RORA: variants seen among roughly 807,000 people sequenced by gnomAD.
RORA encodes nuclear receptor ROR-alpha.
A neutral mutation model predicts 69.5 loss-of-function variants in RORA; 7 were observed. The ratio of observed to expected loss-of-function variants is 0.10; its 90% CI spans 0.06 to 0.19. RORA has a LOEUF of 0.19. Among genes scored for constraint, RORA ranks in the 10% least tolerant of loss-of-function variants. The pLI is 1.00. For synonymous variants in RORA, 261 were observed against 240.8 expected, an observed-to-expected ratio of 1.08 and a Z score of -0.78; for missense variants, 457 against 663.0, an observed-to-expected ratio of 0.69 and a Z score of 3.41.
intron 2 of RORA, among the ~76,000 whole-genome samples, chr15:60,566,561 G>A (rs2067718880): frequency 6.6e-6 from 1 of 152,182 alleles, no homozygotes; most frequent in Non-Finnish European, 1.5e-5. Context: ...ATAAAGTTGG[G>A]TTCCTAGCCT....
intron 1 of RORA, among the ~76,000 whole-genome samples, chr15:61,062,977 A>G (rs923569127): frequency 1.3e-5 from 2 of 152,214 alleles, no homozygotes; most frequent in Non-Finnish European, 2.9e-5. Flanking sequence ...CAGTTGGAGT[A>G]TATTTCCTGA....
At position 61,043,253 on chromosome 15, in the gene RORA, C is replaced by A. The variant is rs532244465; in HGVS notation, c.166+185800G>T. Among the ~76,000 whole-genome samples the A allele has an allele frequency of 9.8e-5, 15 of 152,308 alleles. No homozygotes were observed. The South Asian group carries it at 3.1e-3, about 32-fold the overall frequency. ...ACCTCAGAGCTAACACTCTAACCCA[C>A]AGGGCCTGGACATTCAAATGCACAA... On this transcript the variant is annotated intron_variant, in intron 1 of 10. Transcript: ENST00000335670.
At position 60,606,281 on chromosome 15, in the gene RORA, G is replaced by A. The variant is rs1029860281; in HGVS notation, c.196+72376C>T. Among the ~76,000 whole-genome samples the A allele has an allele frequency of 3.3e-5, 5 of 152,312 alleles. No individual in the cohort carries two copies. In the East Asian group the frequency reaches 5.8e-4, roughly 18 times the overall value. ...ATTCAGTAAATGCTATTGTTGGAAC[G>A]AATGAATGAATTAAAGGGCTCCTAA... On this transcript the variant is annotated intron_variant, in intron 2 of 10. Coordinates refer to ENST00000335670, the MANE Select transcript of RORA (RefSeq NM_134261.3).
In RORA at chr15:60,528,833, G is replaced by T. The variant is rs1317495563; in HGVS notation, c.282+2933C>A. On this transcript the variant is annotated intron_variant, in intron 3 of 10. Coordinates refer to ENST00000335670, the MANE Select transcript of RORA (RefSeq NM_134261.3). ...TACAGTCCTCATTTTACAGATGGGG[G>T]AACTGAGGCACAGAGCAGTGGTATA... 2.6e-5 allele frequency: 4 copies of T among 152,180 alleles called. No individual in the cohort carries two copies. In the South Asian group the frequency reaches 8.3e-4, roughly 32 times the overall value. The allele number at this position is 152,180 out of a possible 1,614,324, so 9.4% of individuals were successfully genotyped here. A position where few individuals can be genotyped will look rare whatever the true frequency, so the allele number is the denominator to read the frequency against.
At chr15:60,724,065 G>A (rs2071326908) in intron 1 of RORA, among the ~76,000 whole-genome samples, 1 of 152,162 alleles carries the variant, frequency 6.6e-6, no homozygotes, top group African/African-American at 2.4e-5. Flanking sequence ...CTGGCTTCAT[G>A]TTATGATTCC....
Position 60,531,754 on chromosome 15 carries a change from A to C in RORA, c.282+12T>G, listed in dbSNP as rs1191424795. On this transcript the variant is annotated intron_variant, in intron 3 of 10. Coordinates refer to ENST00000335670, the MANE Select transcript of RORA (RefSeq NM_134261.3). This position sits in a 1 kb window ranked among gnomAD's most constrained non-coding sequence, Gnocchi z 4.8. Reference sequence around the variant, plus strand: ...AACATTAATAGAAACAACAACAATTAAAAAGGCTTACCTTGCAGCCTTCAC... The same window carrying C: ...AACATTAATAGAAACAACAACAATTCAAAAGGCTTACCTTGCAGCCTTCAC... 6.9e-7 allele frequency: 1 copy of C among 1,448,396 alleles called. No homozygotes were observed. Among genetic ancestry groups the C allele is most frequent in the Admixed American group, 2.0e-5 (1 of 50,750 alleles). The allele number at this position is 1,448,396 out of a possible 1,614,324, so 89.7% of individuals were successfully genotyped here. A position where few individuals can be genotyped will look rare whatever the true frequency, so the allele number is the denominator to read the frequency against.
At chr15:61,098,237 C>CTTTTCTCCCTCCCCCCTTT (rs2078824559) in intron 1 of RORA, among the ~76,000 whole-genome samples, 2 of 146,206 alleles carry the variant, frequency 1.4e-5, no homozygotes, top group Non-Finnish European at 3.0e-5. Context: ...CCCTCTCTCC[C>CTTTTCTCCCTCCCCCCTTT]TTTTCTCCCT....
At chr15:60,954,439 TA>T (rs34360652) in intron 1 of RORA, among the ~76,000 whole-genome samples, 18,090 of 135,264 alleles carry the variant, frequency 0.13, 1,044 homozygotes, top group Middle Eastern at 0.2. Context: ...ACTTAAAGTA[TA>T]AAAAAAAAAA....
intron 1 of RORA, among the ~76,000 whole-genome samples, chr15:61,109,575 C>T (rs1327656801): frequency 2.0e-5 from 3 of 152,136 alleles, no homozygotes; most frequent in African/African-American, 7.2e-5. Flanking sequence ...CTAAATCTAA[C>T]CTGATTAAAT....
At chr15:61,184,610 T>C (rs1349287927) in intron 1 of RORA, among the ~76,000 whole-genome samples, 2 of 152,312 alleles carry the variant, frequency 1.3e-5, no homozygotes, top group East Asian at 3.9e-4. Context: ...GCTTTATTTA[T>C]TGTATATACT....
At chr15:61,057,391 C>T (rs1451202297) in intron 1 of RORA, among the ~76,000 whole-genome samples, 7 of 152,214 alleles carry the variant, frequency 4.6e-5, no homozygotes, top group African/African-American at 1.4e-4. Flanking sequence ...CACACTCACA[C>T]GTGATCTTTC....
intron 3 of RORA, among the ~76,000 whole-genome samples, chr15:60,527,185 T>C (rs984930432): frequency 2.0e-5 from 3 of 152,316 alleles, no homozygotes; most frequent in South Asian, 2.1e-4. Flanking sequence ...TGCATTATCA[T>C]TAAAAAACTT....
intron 1 of RORA, among the ~76,000 whole-genome samples, chr15:60,798,436 T>C (rs74017343): frequency 8.5e-5 from 13 of 152,226 alleles, no homozygotes; most frequent in African/African-American, 3.1e-4. Context: ...GGACTCTACT[T>C]AGAATCCATG....
chr15:60,510,714 TA>T (rs1195112284), intron 5 of RORA, among the ~76,000 whole-genome samples: 3 of 152,216 alleles, frequency 2.0e-5, no homozygotes, highest in Non-Finnish European at 4.4e-5. Context: ...TGGCTCAGTG[TA>T]AATAGATCAT....
intron 4 of RORA, among the ~76,000 whole-genome samples, chr15:60,512,359 C>T (rs1021866415): frequency 5.3e-5 from 8 of 152,178 alleles, no homozygotes; most frequent in Admixed American, 1.3e-4. Flanking sequence ...GAACATGGCT[C>T]ACTGCAGCCT....
At position 61,123,411 on chromosome 15, in the gene RORA, T is replaced by C. The variant is rs73432720; in HGVS notation, c.166+105642A>G. Among the ~76,000 whole-genome samples the C allele has an allele frequency of 5.2e-3, 788 of 152,298 alleles. 6 individuals carry two copies. The highest frequency in any genetic ancestry group is 0.018 in the African/African-American group (740 of 41,554). On this transcript the variant is annotated intron_variant, in intron 1 of 10. Transcript: ENST00000335670. ...TGCCCAAGATAATGTAAGGGCAGGA[T>C]GTGTTCCCTGCCCTGGGCTAAACCA...
intron 1 of RORA, among the ~76,000 whole-genome samples, chr15:60,699,534 A>T (rs916811387): frequency 6.6e-6 from 1 of 152,210 alleles, no homozygotes; most frequent in Non-Finnish European, 1.5e-5. Flanking sequence ...AAACATTTAC[A>T]TGTAGAATCT....
At chr15:60,862,493 A>C (rs1186105894) in intron 1 of RORA, among the ~76,000 whole-genome samples, 3 of 152,214 alleles carry the variant, frequency 2.0e-5, no homozygotes, top group Non-Finnish European at 4.4e-5. Flanking sequence ...CTTGTGGATC[A>C]AGGCACTGAT....
intron 1 of RORA, among the ~76,000 whole-genome samples, chr15:61,117,120 C>G (rs529666230): frequency 6.6e-6 from 1 of 150,912 alleles, no homozygotes; most frequent in Non-Finnish European, 1.5e-5. Context: ...GTTAATGGTG[C>G]TACATTTTTT....
Sources: gnomAD v4.1 joint callset for allele counts (sites outside exome capture counted in the v4.1 genomes callset) on GRCh38, gnomAD v4.1.1 for gene constraint, Gnocchi (gnomAD v3.1) non-coding constraint, MANE v1.5 for transcripts, NCBI Gene and HGNC (gene_info 2026-07-23, HGNC 2026-07-21) for gene names.